Variants in DDX1 observed in about 807,000 individuals in gnomAD.
The protein encoded by DDX1 is DEAD-box helicase 1.
A neutral mutation model predicts 108.7 loss-of-function variants in DDX1; 28 were observed. The ratio of observed to expected loss-of-function variants is 0.26; its 90% CI spans 0.19 to 0.35. The LOEUF is 0.35. Among genes scored for constraint, DDX1 ranks in the 10% least tolerant of loss-of-function variants. The pLI, the probability that DDX1 is intolerant of heterozygous loss-of-function variation, is 1.00. For synonymous variants in DDX1, 295 were observed against 288.9 expected, an observed-to-expected ratio of 1.02 and a Z score of -0.21; for missense variants, 710 against 884.5, an observed-to-expected ratio of 0.80 and a Z score of 2.50.
At chr2:15,599,627 T>G in intron 5 of DDX1, 42 bp from the exon 6 acceptor site, 1 of 1,519,914 alleles carries the variant, frequency 6.6e-7, no homozygotes, top group East Asian at 2.3e-5. Context: ...ATTTTAAATT[T>G]TATATATCTG....
At chr2:15,599,599 C>A in intron 5 of DDX1, 70 bp from the exon 6 acceptor site, 2 of 1,232,728 alleles carry the variant, frequency 1.6e-6, no homozygotes, top group South Asian at 2.7e-5. Flanking sequence ...AGTCGTGAGT[C>A]ACCGCACCCG....
At chr2:15,629,879 G>A in intron 24 of DDX1, 111 bp from the exon 25 acceptor site, 1 of 1,165,502 alleles carries the variant, frequency 8.6e-7, no homozygotes, top group South Asian at 1.6e-5. Flanking sequence ...TCAGAAATCT[G>A]ACTTCCATTT....
intron 6 of DDX1, among the ~76,000 whole-genome samples, chr2:15,600,605 GACCAAAGCTC>G (rs1665574373): frequency 6.6e-6 from 1 of 152,130 alleles, no homozygotes; most frequent in Non-Finnish European, 1.5e-5. Context: ...TGAAGCTGGT[GACCAAAGCTC>G]AGATGGACTG....
At chr2:15,611,802 T>G (rs1280356289) in intron 13 of DDX1, among the ~76,000 whole-genome samples, 1 of 86,460 alleles carries the variant, frequency 1.2e-5, no homozygotes, top group African/African-American at 5.5e-5. Context: ...CCCCCCCACC[T>G]CCCTCCCGGA....
intron 2 of DDX1, 100 bp downstream of exon 2, chr2:15,595,296 T>A: frequency 9.0e-7 from 1 of 1,111,564 alleles, no homozygotes; most frequent in Non-Finnish European, 1.3e-6. Flanking sequence ...GTTGGGTAAG[T>A]GAAAATCAGG....
rs1473402673 is a variant in DDX1 at position 15,601,804 on chromosome 2, G to A, written c.308-744G>A. ...GCTTAACAGTTTGTTCTACTTTCAA[G>A]TACAGAATACGAGTTGGAAAGATGA... is the stretch of plus-strand genomic sequence containing the variant. On this transcript the variant is annotated intron_variant, in intron 6 of 25. Coordinates refer to ENST00000233084, the MANE Select transcript of DDX1 (RefSeq NM_004939.3). Among the ~76,000 whole-genome samples, 8 of 152,330 alleles carry A rather than the reference G, an allele frequency of 5.3e-5. No homozygotes were observed. The East Asian group carries it at 1.5e-3, about 29-fold the overall frequency.
intron 5 of DDX1, among the ~76,000 whole-genome samples, chr2:15,599,410 G>A (rs1365333871): frequency 6.6e-6 from 1 of 151,694 alleles, no homozygotes; most frequent in Non-Finnish European, 1.5e-5. Flanking sequence ...GGGCTCAAGC[G>A]ATTCTCCTGC....
intron 13 of DDX1, among the ~76,000 whole-genome samples, chr2:15,608,300 G>A (rs1389451836): frequency 6.6e-6 from 1 of 152,130 alleles, no homozygotes; most frequent in East Asian, 1.9e-4. Flanking sequence ...GGGCCGAGGT[G>A]GGCGGTCACC....
chr2:15,592,620 T>C (rs13397027), intron 1 of DDX1, among the ~76,000 whole-genome samples: 2,382 of 152,290 alleles, frequency 0.016, 60 homozygotes, highest in African/African-American at 0.05. Flanking sequence ...TGATTTGATA[T>C]GGCTTATCGA....
At chr2:15,595,869 G>A (rs1352816365) in intron 3 of DDX1, among the ~76,000 whole-genome samples, 1 of 152,150 alleles carries the variant, frequency 6.6e-6, no homozygotes, top group East Asian at 1.9e-4. Flanking sequence ...ACTGCTTAAA[G>A]GAAGTAGATT....
At chr2:15,620,047 C>T (rs1406568918) in intron 16 of DDX1, among the ~76,000 whole-genome samples, 161 bp from the exon 17 acceptor site, 3 of 152,134 alleles carry the variant, frequency 2.0e-5, no homozygotes, top group Non-Finnish European at 4.4e-5. Flanking sequence ...GAGAGGTTAA[C>T]CTGCCCAAAG....
At position 15,629,607 on chromosome 2, in the gene DDX1, G is replaced by T; in HGVS notation, c.1881G>T (p.Trp627Cys). The T allele has an allele frequency of 6.3e-7, 1 of 1,591,970 alleles. No individual in the cohort carries two copies. Among genetic ancestry groups the T allele is most frequent in the Non-Finnish European group, 8.5e-7 (1 of 1,172,516 alleles). ...TTTTTCCTTTTTAAATTTAGGTTTG[G>T]TACCATGTATGTAGCAGCCGTGGAA... ...SLVATEKEKV[W>C]YHVCSSRGKG... Residue 627 changes from tryptophan (W) to cysteine (C), a missense_variant, in exon 24 of 26, where the codon TGG becomes TGT. Physicochemically the swap from Trp to Cys is radical, Grantham distance 215 (BLOSUM62 -2). This residue lies in a region of DDX1 where 661 missense variants were observed against 810.2 expected (regional missense o/e 0.82). Coordinates refer to ENST00000233084, the MANE Select transcript of DDX1 (RefSeq NM_004939.3).
rs376343772 is a variant in DDX1 at position 15,618,544 on chromosome 2, C to T, written c.1206+274C>T. 2.2e-4 allele frequency among the ~76,000 whole-genome samples: 33 copies of T among 152,344 alleles called. 1 individual carries two copies. The highest frequency in any genetic ancestry group is 7.9e-4 in the African/African-American group (33 of 41,580). On this transcript the variant is annotated intron_variant, in intron 16 of 25. Transcript: ENST00000233084. The stretch of plus-strand genomic sequence containing the variant: ...GGTCTGGCCATGGCACACAGCCAGG[C>T]ACATTGGCTGCGGCAGGGCGGGTAG...
chr2:15,608,710 G>C (rs1573041964), intron 13 of DDX1, among the ~76,000 whole-genome samples: 1 of 131,726 alleles, frequency 7.6e-6, no homozygotes, highest in African/African-American at 2.9e-5. Context: ...TGTTGCCCAG[G>C]CTGAAGTAAG....
chr2:15,606,428 A>G (rs1285443695), intron 12 of DDX1, among the ~76,000 whole-genome samples, 164 bp downstream of exon 12: 2 of 152,258 alleles, frequency 1.3e-5, no homozygotes, highest in African/African-American at 4.8e-5. Context: ...AACCTAATTC[A>G]TAAACTCTTA....
chr2:15,624,807 GA>G (rs901580292), intron 19 of DDX1, among the ~76,000 whole-genome samples: 235 of 152,122 alleles, frequency 1.5e-3, no homozygotes, highest in African/African-American at 5.4e-3. Context: ...ATACAACACC[GA>G]ATTTTGGCTG....
At chr2:15,595,674 C>G (rs1665485747) in intron 3 of DDX1, 121 bp downstream of exon 3, 1 of 730,524 alleles carries the variant, frequency 1.4e-6, no homozygotes, top group Admixed American at 2.4e-5. Flanking sequence ...TGTATTCAGA[C>G]TATTAGGTAA....
chr2:15,606,929 C>T (rs1041692109), intron 12 of DDX1, among the ~76,000 whole-genome samples: 6 of 152,134 alleles, frequency 3.9e-5, no homozygotes, highest in African/African-American at 1.2e-4. Flanking sequence ...CTCAAGTGAT[C>T]GTCCCACCTT....
At chr2:15,621,172 AC>A in intron 18 of DDX1, 56 bp downstream of exon 18, 2 of 1,242,580 alleles carry the variant, frequency 1.6e-6, no homozygotes, top group Non-Finnish European at 2.4e-6. Flanking sequence ...TTTATACCTT[AC>A]CTATTCTCAT....
Sources: gnomAD v4.1 joint callset for allele counts (sites outside exome capture counted in the v4.1 genomes callset) on GRCh38, gnomAD v4.1.1 for gene constraint, gnomAD v4.1.1 regional missense constraint, MANE v1.5 for transcripts, NCBI Gene and HGNC (gene_info 2026-07-23, HGNC 2026-07-21) for gene names.